The following HS6ST3 variants were observed in gnomAD, a reference collection of about 807,000 sequenced individuals.
The protein encoded by HS6ST3 is heparan-sulfate 6-O-sulfotransferase 3.
HS6ST3 carries 12 observed loss-of-function variants against 36.7 expected under a neutral mutation model. The ratio of observed to expected loss-of-function variants is 0.33; its 90% CI spans 0.21 to 0.53. The LOEUF (loss-of-function observed/expected upper bound fraction) is 0.53. Ranked by LOEUF, HS6ST3 falls within the 20% of genes least tolerant of loss-of-function variation. The pLI is 0.95. For missense variants in HS6ST3, 584 were observed against 640.9 expected (o/e 0.91, Z 0.96); for synonymous variants, 240 against 257.5 (o/e 0.93, Z 0.65).
chr13:96,261,026 A>G (rs1446083515), intron 1 of HS6ST3, among the ~76,000 whole-genome samples: 4 of 152,246 alleles, frequency 2.6e-5, no homozygotes, highest in Middle Eastern at 3.4e-3. Flanking sequence ...GTAAAAGCCA[A>G]ATAGGAATCA....
chr13:96,142,060 GC>G (rs1767720046), intron 1 of HS6ST3, among the ~76,000 whole-genome samples: 2 of 144,012 alleles, frequency 1.4e-5, no homozygotes, highest in Non-Finnish European at 3.0e-5. Flanking sequence ...AAAAAAGCTG[GC>G]CAAGGGAGGT....
chr13:96,341,630 G>A (rs1230361603), intron 1 of HS6ST3, among the ~76,000 whole-genome samples: 1 of 152,130 alleles, frequency 6.6e-6, no homozygotes, highest in South Asian at 2.1e-4. Context: ...ACTACCTGGG[G>A]TGTCCACTTA....
intron 1 of HS6ST3, among the ~76,000 whole-genome samples, chr13:96,589,384 A>G (rs1418273285): frequency 6.6e-6 from 1 of 151,970 alleles, no homozygotes; most frequent in Non-Finnish European, 1.5e-5. Context: ...TGTGTCAGTA[A>G]TGTCTCCTTT....
intron 1 of HS6ST3, among the ~76,000 whole-genome samples, chr13:96,504,718 C>T (rs1251775537): frequency 6.6e-6 from 1 of 152,014 alleles, no homozygotes; most frequent in Non-Finnish European, 1.5e-5. Context: ...TTAAACATGA[C>T]CTTCTTTTCC....
At chr13:96,160,307 CATT>C (rs2054129816) in intron 1 of HS6ST3, among the ~76,000 whole-genome samples, 2 of 152,170 alleles carry the variant, frequency 1.3e-5, no homozygotes, top group Non-Finnish European at 2.9e-5. Context: ...ACCTAGAAAT[CATT>C]ATGCTGTTCT....
At chr13:96,710,971 T>C (rs758557198) in intron 1 of HS6ST3, among the ~76,000 whole-genome samples, 2 of 152,216 alleles carry the variant, frequency 1.3e-5, no homozygotes, top group Non-Finnish European at 2.9e-5. Flanking sequence ...AATAGCACAT[T>C]TCTCTCAGAC....
At chr13:96,250,502 G>C (rs994491486) in intron 1 of HS6ST3, among the ~76,000 whole-genome samples, 1 of 152,218 alleles carries the variant, frequency 6.6e-6, no homozygotes, top group African/African-American at 2.4e-5. Context: ...AGAGATTGGA[G>C]TGATGCCAAG....
chr13:96,387,543 GA>G (rs1177879768), intron 1 of HS6ST3, among the ~76,000 whole-genome samples: 14 of 152,288 alleles, frequency 9.2e-5, no homozygotes, highest in African/African-American at 3.4e-4. Context: ...TCAGAATGCA[GA>G]GAATTATAAT....
chr13:96,121,418 G>A (rs2053924887), intron 1 of HS6ST3, among the ~76,000 whole-genome samples: 1 of 152,166 alleles, frequency 6.6e-6, no homozygotes, highest in South Asian at 2.1e-4. Context: ...CTGCAGAAGA[G>A]GCATACACTT....
chr13:96,555,967 A>G (rs1379310973), intron 1 of HS6ST3, among the ~76,000 whole-genome samples: 1 of 152,216 alleles, frequency 6.6e-6, no homozygotes, highest in African/African-American at 2.4e-5. Flanking sequence ...ATTGCTTGGA[A>G]CAATTTATTT....
chr13:96,526,890 G>T (rs969335888), intron 1 of HS6ST3, among the ~76,000 whole-genome samples: 1 of 152,104 alleles, frequency 6.6e-6, no homozygotes, highest in Non-Finnish European at 1.5e-5. Flanking sequence ...TAAATGTAAA[G>T]TACACACTGA....
At chr13:96,488,477 A>C (rs2138903555) in intron 1 of HS6ST3, among the ~76,000 whole-genome samples, 1 of 152,252 alleles carries the variant, frequency 6.6e-6, no homozygotes, top group South Asian at 2.1e-4. Flanking sequence ...TGTTCCTGAA[A>C]GTTAGACTGT....
At chr13:96,583,732 G>T (rs2056350767) in intron 1 of HS6ST3, among the ~76,000 whole-genome samples, 1 of 152,096 alleles carries the variant, frequency 6.6e-6, no homozygotes, top group East Asian at 1.9e-4. Flanking sequence ...GTTTCTCCAA[G>T]ATTTTGTTCA....
At chr13:96,608,157 G>A (rs1449197305) in intron 1 of HS6ST3, among the ~76,000 whole-genome samples, 4 of 152,060 alleles carry the variant, frequency 2.6e-5, no homozygotes, top group East Asian at 3.9e-4. Context: ...AAGATAATAC[G>A]AAACCAATCA....
chr13:96,198,893 CTCCTGGTACCAATTTACTGTATTAG>C (rs1364603430), intron 1 of HS6ST3, among the ~76,000 whole-genome samples: 2 of 152,206 alleles, frequency 1.3e-5, no homozygotes, highest in Non-Finnish European at 2.9e-5. Flanking sequence ...ATGCCCCACT[CTCCTGGTACCAATTTACTGTATTAG>C]TCTGTTTTCA....
At chr13:96,307,415 A>G (rs1205453021) in intron 1 of HS6ST3, among the ~76,000 whole-genome samples, 1 of 152,172 alleles carries the variant, frequency 6.6e-6, no homozygotes, top group East Asian at 1.9e-4. Context: ...TGATATCTTA[A>G]TTGTGGACAT....
intron 1 of HS6ST3, among the ~76,000 whole-genome samples, chr13:96,374,912 C>T (rs968218875): frequency 6.6e-6 from 1 of 152,070 alleles, no homozygotes; most frequent in Admixed American, 6.5e-5. Context: ...ATTAATTTTA[C>T]GTATCAACTA....
chr13:96,267,358 C>A (rs2054697497), intron 1 of HS6ST3, among the ~76,000 whole-genome samples: 1 of 152,148 alleles, frequency 6.6e-6, no homozygotes, highest in Non-Finnish European at 1.5e-5. Context: ...CAGGTTTCTT[C>A]TTCTAATTGT....
chr13:96,317,346 AT>A (rs1388365012), intron 1 of HS6ST3, among the ~76,000 whole-genome samples: 942 of 18,278 alleles, frequency 0.052, 20 homozygotes, highest in Middle Eastern at 0.14. Flanking sequence ...ATATATATAT[AT>A]ATATATATAT....
Sources: gnomAD v4.1 joint callset for allele counts (sites outside exome capture counted in the v4.1 genomes callset) on GRCh38, gnomAD v4.1.1 for gene constraint, MANE v1.5 for transcripts, NCBI Gene and HGNC (gene_info 2026-07-23, HGNC 2026-07-21) for gene names.